Variants in RFX4 observed in about 807,000 individuals in gnomAD.
RFX4 encodes regulatory factor X4.
A neutral mutation model predicts 95.0 loss-of-function variants in RFX4; 10 were observed. That is an observed-to-expected ratio of 0.11 (90% confidence interval 0.06 to 0.18). The LOEUF is 0.18. RFX4 is among the 10% of genes least tolerant of loss of function. The pLI, the probability that RFX4 is intolerant of heterozygous loss-of-function variation, is 1.00. For synonymous variants in RFX4, 321 were observed against 340.7 expected (o/e 0.94, Z 0.64); for missense variants, 640 against 922.0 (o/e 0.69, Z 3.96).
intron 4 of RFX4, among the ~76,000 whole-genome samples, chr12:106,666,471 T>G (rs1346050343): frequency 6.6e-6 from 1 of 152,158 alleles, no homozygotes; most frequent in African/African-American, 2.4e-5. Context: ...TTGAGGAAAT[T>G]CTCAGTCATT....
chr12:106,738,885 C>T (rs1254781633), intron 15 of RFX4, among the ~76,000 whole-genome samples: 1 of 152,076 alleles, frequency 6.6e-6, no homozygotes, highest in Non-Finnish European at 1.5e-5. Context: ...CGGTAGGCTT[C>T]TTAAATTTTC....
At chr12:106,588,398 G>A (rs2039493770) in intron 1 of RFX4, among the ~76,000 whole-genome samples, 1 of 152,138 alleles carries the variant, frequency 6.6e-6, no homozygotes, top group African/African-American at 2.4e-5. Context: ...TAATGAAGCT[G>A]GCATCACAGA....
intron 13 of RFX4, among the ~76,000 whole-genome samples, chr12:106,731,682 G>A (rs909366522): frequency 5.5e-4 from 83 of 152,174 alleles, no homozygotes; most frequent in African/African-American, 1.5e-3. Flanking sequence ...AGCAATACAA[G>A]GCAAAGTCCC....
intron 1 of RFX4, among the ~76,000 whole-genome samples, chr12:106,595,843 G>A (rs912850613): frequency 1.3e-5 from 2 of 152,178 alleles, no homozygotes; most frequent in African/African-American, 4.8e-5. Flanking sequence ...CCATGGGCTG[G>A]ATATATGAAC....
intron 17 of RFX4, among the ~76,000 whole-genome samples, chr12:106,751,507 G>A (rs532906323): frequency 1.9e-4 from 28 of 151,024 alleles, no homozygotes; most frequent in African/African-American, 5.1e-4. Context: ...CTGAGGAATC[G>A]CCACACTGAC....
intron 2 of RFX4, among the ~76,000 whole-genome samples, chr12:106,619,313 A>T (rs1023818393): frequency 6.6e-6 from 1 of 152,170 alleles, no homozygotes; most frequent in Non-Finnish European, 1.5e-5. Context: ...TATTTCACAT[A>T]TATTTTTGAA....
chr12:106,588,842 A>G (rs2039498918), intron 1 of RFX4, among the ~76,000 whole-genome samples: 1 of 152,172 alleles, frequency 6.6e-6, no homozygotes, highest in African/African-American at 2.4e-5. Context: ...CATTATTCTG[A>G]AACATAGGGT....
chr12:106,666,030 A>G (rs952833811), intron 4 of RFX4, among the ~76,000 whole-genome samples: 2 of 151,968 alleles, frequency 1.3e-5, no homozygotes, highest in African/African-American at 4.8e-5. Flanking sequence ...CCTTCTCCCT[A>G]AAGAATTTCT....
At chr12:106,666,400 A>C (rs1023689579) in intron 4 of RFX4, among the ~76,000 whole-genome samples, 1 of 151,944 alleles carries the variant, frequency 6.6e-6, no homozygotes, top group African/African-American at 2.4e-5. Flanking sequence ...TTTATTTGAC[A>C]TTTATCCTGC....
chr12:106,699,428 A>G (rs10861649), intron 8 of RFX4, among the ~76,000 whole-genome samples: 3,570 of 152,254 alleles, frequency 0.023, 134 homozygotes, highest in African/African-American at 0.081. Context: ...GTTAATTGAT[A>G]GTATTGTTTA....
At chr12:106,685,276 G>A (rs984707281) in intron 5 of RFX4, among the ~76,000 whole-genome samples, 1 of 151,882 alleles carries the variant, frequency 6.6e-6, no homozygotes, top group Non-Finnish European at 1.5e-5. Flanking sequence ...TTTTGTAAGT[G>A]ATTCTTAGTA....
Position 106,601,329 on chromosome 12 carries a change from G to A in RFX4, c.44-7468G>A, listed in dbSNP as rs762546225. Reference sequence around the variant, plus strand: ...GCGGGAGGCGACAGGACCAGGCCTCGACGGCGCCGTTCCACTGGTAATGAC... The same window carrying A: ...GCGGGAGGCGACAGGACCAGGCCTCAACGGCGCCGTTCCACTGGTAATGAC... On this transcript the variant is annotated intron_variant, in intron 1 of 17. Transcript: ENST00000392842. The A allele has an allele frequency of 1.3e-5, 21 of 1,588,236 alleles. No homozygotes were observed. The African/African-American group carries it at 1.7e-4, about 13-fold the overall frequency.
intron 3 of RFX4, 105 bp from the exon 4 acceptor site, chr12:106,654,123 C>A: frequency 6.8e-7 from 1 of 1,465,436 alleles, no homozygotes; most frequent in Non-Finnish European, 9.5e-7. Flanking sequence ...GTAGAAAGAA[C>A]GTTATTTCTA....
intron 1 of RFX4, chr12:106,601,084 C>T: frequency 7.4e-7 from 1 of 1,343,116 alleles, no homozygotes; most frequent in Non-Finnish European, 9.8e-7. Flanking sequence ...AAAGCAGAGG[C>T]AGGGCAGGGC....
intron 5 of RFX4, chr12:106,682,876 G>A (rs1206819196): frequency 3.3e-5 from 5 of 152,164 alleles, no homozygotes; most frequent in Non-Finnish European, 7.3e-5. Flanking sequence ...TTGCCTCTAA[G>A]GATGTTTCAA....
Position 106,737,864 on chromosome 12 carries a change from C to A in RFX4, c.1633+4779C>A, listed in dbSNP as rs147180795. 1.9e-4 allele frequency among the ~76,000 whole-genome samples: 29 copies of A among 152,286 alleles called. 1 individual carries two copies. The East Asian group carries it at 4.8e-3, about 25-fold the overall frequency. ...CGCCGTATTTGTTTATATAGATGCG[C>A]CTCAAACTGTATTTTGTTTTCTGCT... is the stretch of plus-strand genomic sequence containing the variant. On this transcript the variant is annotated intron_variant, in intron 15 of 17. Transcript: ENST00000392842.
At chr12:106,694,056 A>C (rs560156598) in intron 7 of RFX4, among the ~76,000 whole-genome samples, 1 of 152,322 alleles carries the variant, frequency 6.6e-6, no homozygotes, top group Non-Finnish European at 1.5e-5. Context: ...CCTGCAAGTC[A>C]GTCTTCACTC....
At chr12:106,664,619 A>G (rs1428283852) in intron 4 of RFX4, among the ~76,000 whole-genome samples, 1 of 151,558 alleles carries the variant, frequency 6.6e-6, no homozygotes, top group East Asian at 1.9e-4. Flanking sequence ...TTCTTTTTCC[A>G]GTTTCCTAAG....
At chr12:106,637,352 T>C (rs573929109) in intron 2 of RFX4, among the ~76,000 whole-genome samples, 1 of 152,344 alleles carries the variant, frequency 6.6e-6, no homozygotes, top group East Asian at 1.9e-4. Flanking sequence ...CAAGAAGATA[T>C]TTTCTAGATT....
Sources: allele counts gnomAD v4.1 joint callset (sites outside exome capture counted in the v4.1 genomes callset), GRCh38; gene constraint gnomAD v4.1.1; transcripts MANE v1.5; gene names NCBI Gene and HGNC (gene_info 2026-07-23, HGNC 2026-07-21).